Variants in ROS1 observed in about 807,000 individuals in gnomAD.
ROS1 encodes the protein ROS proto-oncogene 1, receptor tyrosine kinase, also known as proto-oncogene tyrosine-protein kinase ROS.
A neutral mutation model predicts 273.5 loss-of-function variants in ROS1; 263 were observed. The ratio of observed to expected loss-of-function variants is 0.96; its 90% confidence interval spans 0.87 to 1.06. ROS1 has a LOEUF of 1.06. Among genes scored for constraint, ROS1 ranks in the 50% least tolerant of loss-of-function variants. The pLI is 0.00. For synonymous variants in ROS1, 1,008 were observed against 954.1 expected, an observed-to-expected ratio of 1.06 and a Z score of -1.04; for missense variants, 2,833 against 2,751.1, an observed-to-expected ratio of 1.03 and a Z score of -0.67.
chr6:117,425,465 C>G, intron 1 of ROS1, 69 bp downstream of exon 1: 1 of 1,432,068 alleles, frequency 7.0e-7, no homozygotes, highest in Non-Finnish European at 9.3e-7. Flanking sequence ...ACAATTCTAT[C>G]AGTTATAACA....
intron 13 of ROS1, 57 bp downstream of exon 13, chr6:117,389,293 C>A (rs1772848791): frequency 1.3e-6 from 2 of 1,536,286 alleles, no homozygotes; most frequent in African/African-American, 1.4e-5. Flanking sequence ...CCAAGCAGTT[C>A]AAACCTTCCT....
At chr6:117,307,730 C>T (rs1239816682) in intron 42 of ROS1, among the ~76,000 whole-genome samples, 1 of 152,024 alleles carries the variant, frequency 6.6e-6, no homozygotes, top group Non-Finnish European at 1.5e-5. Flanking sequence ...TTAAATAATA[C>T]AAAAACATTC....
chr6:117,347,832 T>C (rs1778501754), intron 27 of ROS1, among the ~76,000 whole-genome samples: 1 of 152,094 alleles, frequency 6.6e-6, no homozygotes, highest in Non-Finnish European at 1.5e-5. Flanking sequence ...GACCGCCTGA[T>C]TTTTCCTCTT....
chr6:117,313,571 CAAA>C (rs779633445), intron 39 of ROS1, among the ~76,000 whole-genome samples: 3 of 115,538 alleles, frequency 2.6e-5, no homozygotes, highest in Non-Finnish European at 3.7e-5. Context: ...AGACTCTGTC[CAAA>C]AAAAAAAAAA....
chr6:117,325,336 G>A (rs760533736), intron 34 of ROS1, among the ~76,000 whole-genome samples: 35 of 152,066 alleles, frequency 2.3e-4, no homozygotes, highest in South Asian at 1.0e-3. Context: ...TAGGTAGTGG[G>A]GACCTGTATT....
At chr6:117,360,823 A>G (rs969787813) in intron 22 of ROS1, among the ~76,000 whole-genome samples, 1 of 152,126 alleles carries the variant, frequency 6.6e-6, no homozygotes, top group Non-Finnish European at 1.5e-5. Context: ...TAAGGTCATT[A>G]TTTTCAAAAT....
At chr6:117,289,057 T>C (rs1390788013) in intron 43 of ROS1, among the ~76,000 whole-genome samples, 1 of 152,198 alleles carries the variant, frequency 6.6e-6, no homozygotes, top group Non-Finnish European at 1.5e-5. Context: ...GAAGGTGACA[T>C]GCACTTTAAT....
At chr6:117,310,950 C>T (rs1775497091) in intron 40 of ROS1, 70 bp downstream of exon 40, 1 of 882,398 alleles carries the variant, frequency 1.1e-6, no homozygotes, top group Admixed American at 2.4e-5. Context: ...ATCTTGTGTG[C>T]TTTACCTGCA....
rs1305422933 is a variant in ROS1, at chr6:117,310,154, C to A, written c.6343G>T (p.Gly2115Cys). 2 of 1,612,282 alleles carry A rather than the reference C, an allele frequency of 1.2e-6. No homozygotes were observed. Among genetic ancestry groups the A allele is most frequent in the Non-Finnish European group, 1.7e-6 (2 of 1,178,700 alleles). ...KNDYYRKRGE[G>C]LLPVRWMAPE... ...GCCATCCACCGAACTGGGAGCAGGC[C>A]TTCCCCTCTCTTTCTATAGTAATCA... The change falls in exon 41 of 44, where the codon GGC becomes TGC. Residue 2115 changes from glycine (G) to cysteine (C), a missense_variant. Coordinates refer to ENST00000368507, the MANE Select transcript of ROS1 (RefSeq NM_001378902.1).
intron 39 of ROS1, among the ~76,000 whole-genome samples, chr6:117,316,848 T>C (rs561657396): frequency 3.3e-5 from 5 of 152,074 alleles, no homozygotes; most frequent in Non-Finnish European, 7.4e-5. Flanking sequence ...TACAGAGATA[T>C]GCCTTTCCAA....
At position 117,310,256 on chromosome 6, in the gene ROS1, C is replaced by T. The variant is rs748425390; in HGVS notation, c.6241G>A (p.Val2081Ile). ...HRDLAARNCL[V>I]SVKDYTSPRI... ...GGACTGGTATAGTCTTTCACGGAAA[C>T]AAGGCAATTTCTAGCTGCCAGATCC... Residue 2081 changes from valine (V) to isoleucine (I), a missense_variant, in exon 41 of 44, where the codon GTT becomes ATT. By Grantham distance (29) the Val-to-Ile change is conservative. Coordinates refer to ENST00000368507, the MANE Select transcript of ROS1 (RefSeq NM_001378902.1). The T allele has an allele frequency of 6.2e-7, 1 of 1,609,522 alleles. No individual in the cohort carries two copies. The highest frequency in any genetic ancestry group is 8.5e-7 in the Non-Finnish European group (1 of 1,177,712).
rs190255169 is a variant in ROS1 at position 117,332,228 on chromosome 6, A to G, written c.5231-2782T>C. Among the ~76,000 whole-genome samples the G allele has an allele frequency of 2.4e-3, 358 of 152,306 alleles. 3 individuals carry two copies. Among genetic ancestry groups the G allele is most frequent in the Non-Finnish European group, 4.2e-3 (289 of 68,014 alleles). ...TGACAAAACAGACTTTAAACCAACA[A>G]AGATCAAAATAGACAAAGAAGGGCA... On this transcript the variant is annotated intron_variant, in intron 32 of 43. Transcript: ENST00000368507.
chr6:117,415,903 A>G (rs1775298931), intron 3 of ROS1, among the ~76,000 whole-genome samples: 1 of 152,214 alleles, frequency 6.6e-6, no homozygotes, highest in Non-Finnish European at 1.5e-5. Flanking sequence ...CAGCATTTTA[A>G]TAAGATCCCG....
rs371868627 is a variant in ROS1, at chr6:117,390,369, T to G, written c.1290-523A>C. Among the ~76,000 whole-genome samples the G allele has an allele frequency of 2.0e-4, 31 of 152,146 alleles. No individual in the cohort carries two copies. In the East Asian group the frequency reaches 4.1e-3, roughly 20 times the overall value. Reference sequence around the variant, plus strand: ...CCTGAACTCCTGGGCTCAAGTGATCTGCACACCTTGGCTTCCCAAAGTGCT... The same window carrying G: ...CCTGAACTCCTGGGCTCAAGTGATCGGCACACCTTGGCTTCCCAAAGTGCT... On this transcript the variant is annotated intron_variant, in intron 12 of 43. Coordinates refer to ENST00000368507, the MANE Select transcript of ROS1 (RefSeq NM_001378902.1).
chr6:117,294,258 T>C (rs909407989), intron 43 of ROS1, among the ~76,000 whole-genome samples: 2 of 152,090 alleles, frequency 1.3e-5, no homozygotes, highest in African/African-American at 4.8e-5. Flanking sequence ...AAGACAAGGA[T>C]GGCCATTTTC....
chr6:117,366,813 G>A (rs1241910212), intron 18 of ROS1, among the ~76,000 whole-genome samples: 1 of 152,032 alleles, frequency 6.6e-6, no homozygotes, highest in Non-Finnish European at 1.5e-5. Flanking sequence ...GTGCTCTCTG[G>A]GGGCTTTTCT....
intron 3 of ROS1, among the ~76,000 whole-genome samples, chr6:117,414,865 A>G (rs1467351108): frequency 6.6e-6 from 1 of 152,252 alleles, no homozygotes; most frequent in Non-Finnish European, 1.5e-5. Flanking sequence ...TGCCAAAGGT[A>G]AATAGAACAG....
chr6:117,379,912 G>T (rs1389817686), intron 17 of ROS1, among the ~76,000 whole-genome samples: 1 of 152,034 alleles, frequency 6.6e-6, no homozygotes, highest in Non-Finnish European at 1.5e-5. Flanking sequence ...TGACATATGA[G>T]AACCACTTCT....
chr6:117,312,111 T>C (rs540353952), intron 39 of ROS1, among the ~76,000 whole-genome samples: 1 of 152,274 alleles, frequency 6.6e-6, no homozygotes, highest in East Asian at 1.9e-4. Context: ...TCTCTCAATC[T>C]GTGCTTCCGT....
Sources: allele counts gnomAD v4.1 joint callset (sites outside exome capture counted in the v4.1 genomes callset), GRCh38; gene constraint gnomAD v4.1.1; transcripts MANE v1.5; gene names NCBI Gene and HGNC (gene_info 2026-07-23, HGNC 2026-07-21).